Variants in GLMN observed in about 807,000 individuals in gnomAD.
GLMN encodes the protein glomulin, FKBP associated protein.
Under a neutral mutation model 87.8 loss-of-function variants are expected in GLMN, and 75 were observed. The ratio of observed to expected loss-of-function variants is 0.85; its 90% confidence interval spans 0.71 to 1.04. The LOEUF (loss-of-function observed/expected upper bound fraction) is 1.04, where lower values mean the gene tolerates loss of function less well. GLMN is among the 50% of genes least tolerant of loss of function. The probability of loss-of-function intolerance (pLI) is 0.00; values close to 1 mark genes in which losing one functional copy is unlikely to be tolerated. For synonymous variants in GLMN, 206 were observed against 221.6 expected (o/e 0.93, Z 0.63); for missense variants, 588 against 658.8 (o/e 0.89, Z 1.18).
the GLMN span, among the ~76,000 whole-genome samples, chr1:92,352,113 C>T: frequency 6.6e-6 from 1 of 152,170 alleles, no homozygotes; most frequent in Non-Finnish European, 1.5e-5. Flanking sequence ...GGAAAGCTTT[C>T]AAGACCATCT....
chr1:92,246,857 C>A (rs544813739), intron 18 of GLMN, among the ~76,000 whole-genome samples: 1 of 151,978 alleles, frequency 6.6e-6, no homozygotes, highest in Non-Finnish European at 1.5e-5. Context: ...ATAGTGAGAC[C>A]CTATCTCTAC....
chr1:92,247,754 ATGGCT>A (rs1238169486), intron 17 of GLMN, 119 bp downstream of exon 17: 1 of 630,478 alleles, frequency 1.6e-6, no homozygotes, highest in Non-Finnish European at 2.8e-6. Flanking sequence ...TATAAATAAA[ATGGCT>A]TAGCTGTTAT....
the GLMN span, among the ~76,000 whole-genome samples, chr1:92,322,209 G>C: frequency 1.3e-5 from 2 of 151,512 alleles, no homozygotes; most frequent in African/African-American, 4.8e-5. Context: ...GCCTCCCAAG[G>C]TGCTGGGATT....
chr1:92,300,149 T>C (rs951237918), upstream of GLMN: 14 of 1,372,430 alleles, frequency 1.0e-5, no homozygotes, highest in Non-Finnish European at 1.4e-5. Context: ...GTCCGTCGTT[T>C]ACGGAAATGT....
the GLMN span, among the ~76,000 whole-genome samples, chr1:92,350,815 C>T: frequency 2.0e-5 from 3 of 151,998 alleles, no homozygotes; most frequent in South Asian, 2.1e-4. Context: ...GCCTATAGTT[C>T]CAGCTACTCT....
At chr1:92,334,684 C>CAAAAAT in the GLMN span, among the ~76,000 whole-genome samples, 81 of 151,966 alleles carry the variant, frequency 5.3e-4, no homozygotes, top group Non-Finnish European at 1.1e-3. Flanking sequence ...CACATCTCTA[C>CAAAAAT]AAAAATAAAA....
At chr1:92,278,117 G>A (rs1488146824) in intron 7 of GLMN, among the ~76,000 whole-genome samples, 1 of 152,116 alleles carries the variant, frequency 6.6e-6, no homozygotes, top group African/African-American at 2.4e-5. Flanking sequence ...CAGGGGGCAG[G>A]GCAGGGAACT....
chr1:92,291,811 T>C (rs2101044580), intron 3 of GLMN, among the ~76,000 whole-genome samples: 1 of 152,342 alleles, frequency 6.6e-6, no homozygotes, highest in African/African-American at 2.4e-5. Flanking sequence ...AGTGCCTCTA[T>C]TTCCAACAAA....
At chr1:92,291,172 T>C (rs1488064497) in intron 4 of GLMN, among the ~76,000 whole-genome samples, 1 of 152,240 alleles carries the variant, frequency 6.6e-6, no homozygotes, top group African/African-American at 2.4e-5. Flanking sequence ...TCCCTGGAGA[T>C]GCTGAATCAA....
chr1:92,306,620 G>A, the GLMN span, among the ~76,000 whole-genome samples: 1 of 152,062 alleles, frequency 6.6e-6, no homozygotes, highest in Non-Finnish European at 1.5e-5. Flanking sequence ...CCAGCACTTT[G>A]GGAGGCCAGG....
chr1:92,292,870 A>G (rs964011233), intron 3 of GLMN, among the ~76,000 whole-genome samples: 12 of 151,706 alleles, frequency 7.9e-5, no homozygotes, highest in African/African-American at 2.9e-4. Context: ...TATAAAATAC[A>G]AAAATTAGCT....
At chr1:92,267,710 A>G (rs1159129813) in intron 11 of GLMN, among the ~76,000 whole-genome samples, 4 of 152,128 alleles carry the variant, frequency 2.6e-5, no homozygotes, top group African/African-American at 9.7e-5. Flanking sequence ...CCTCAAAAAA[A>G]AAAAAAATAG....
intron 7 of GLMN, among the ~76,000 whole-genome samples, chr1:92,285,639 T>C (rs1216042134): frequency 1.3e-5 from 2 of 152,104 alleles, no homozygotes; most frequent in East Asian, 3.9e-4. Context: ...CTTACATACA[T>C]GCTCAATCCC....
intron 7 of GLMN, among the ~76,000 whole-genome samples, chr1:92,271,953 C>G (rs942582907): frequency 3.3e-5 from 5 of 152,160 alleles, no homozygotes; most frequent in African/African-American, 1.2e-4. Context: ...CAGGCCTTCC[C>G]TGAGAGTCAG....
chr1:92,282,343 T>C (rs890881952), intron 7 of GLMN, among the ~76,000 whole-genome samples: 9 of 152,262 alleles, frequency 5.9e-5, no homozygotes, highest in African/African-American at 2.2e-4. Context: ...CACAACTACA[T>C]GGAAACTGAA....
intron 13 of GLMN, 120 bp from the exon 14 acceptor site, chr1:92,264,758 A>C: frequency 1.4e-6 from 1 of 694,846 alleles, no homozygotes; most frequent in South Asian, 1.6e-5. Flanking sequence ...AAAACCCCAC[A>C]GTAATGGTAA....
rs2100867710 is a variant in GLMN at position 92,262,899 on chromosome 1, C to T, written c.1437G>A (p.Arg479=). 1.7e-6 allele frequency: 2 copies of T among 1,168,798 alleles called. No individual in the cohort carries two copies. The highest frequency in any genetic ancestry group is 2.6e-6 in the Non-Finnish European group (2 of 779,108). 72.4% of individuals were successfully genotyped at this position (1,168,798 alleles called of 1,614,324 possible). The change falls in exon 16 of 19, where the codon AGG becomes AGA. Residue 479 remains arginine, a synonymous_variant. Transcript: ENST00000370360. Reference sequence around the variant, plus strand: ...TTTCATTATCTTTGATAACCAAATACCTCAATAAATTTAATGAAGCCATAA... The same window carrying T: ...TTTCATTATCTTTGATAACCAAATATCTCAATAAATTTAATGAAGCCATAA... ...DRIMASLNLL[R]YLVIKDNEND... is the part of the protein sequence containing the mutation.
the GLMN span, among the ~76,000 whole-genome samples, chr1:92,309,896 G>C: frequency 3.3e-5 from 5 of 152,176 alleles, no homozygotes; most frequent in South Asian, 6.2e-4. Context: ...AAACCCTCAA[G>C]TATTGGGGAG....
At chr1:92,345,379 TAAAAAAA>T in the GLMN span, among the ~76,000 whole-genome samples, 291 of 73,760 alleles carry the variant, frequency 3.9e-3, 2 homozygotes, top group South Asian at 0.016. Context: ...CCCGTTTCTT[TAAAAAAA>T]AAAAAAAAAA....
Sources: gnomAD v4.1 joint callset for allele counts (sites outside exome capture counted in the v4.1 genomes callset) on GRCh38, gnomAD v4.1.1 for gene constraint, MANE v1.5 for transcripts, NCBI Gene and HGNC (gene_info 2026-07-23, HGNC 2026-07-21) for gene names.